The following KIAA1549L variants were observed in gnomAD, a reference collection of about 807,000 sequenced individuals.
KIAA1549L encodes UPF0606 protein KIAA1549L.
KIAA1549L carries 88 observed loss-of-function variants against 160.7 expected under a neutral mutation model. The observed-to-expected ratio is 0.55, with a 90% CI of 0.46 to 0.65. The LOEUF (loss-of-function observed/expected upper bound fraction) is 0.65. Ranked by LOEUF, KIAA1549L falls within the 30% of genes least tolerant of loss-of-function variation. The pLI is 0.00. For missense variants in KIAA1549L, 2,258 were observed against 2,437.5 expected, an observed-to-expected ratio of 0.93 and a Z score of 1.55; for synonymous variants, 950 against 976.7, an observed-to-expected ratio of 0.97 and a Z score of 0.51.
At chr11:33,516,518 G>A (rs1853346764) in intron 1 of KIAA1549L, among the ~76,000 whole-genome samples, 1 of 152,164 alleles carries the variant, frequency 6.6e-6, no homozygotes, top group African/African-American at 2.4e-5. Flanking sequence ...AATTACCACA[G>A]CTATATCTGA....
At chr11:33,526,009 C>T (rs1863287108) in intron 1 of KIAA1549L, among the ~76,000 whole-genome samples, 1 of 152,050 alleles carries the variant, frequency 6.6e-6, no homozygotes, top group South Asian at 2.1e-4. Context: ...TTCAGACCCG[C>T]CTACCCCAGC....
At chr11:33,486,921 A>T (rs753865771) in intron 1 of KIAA1549L, among the ~76,000 whole-genome samples, 1 of 152,198 alleles carries the variant, frequency 6.6e-6, no homozygotes, top group Non-Finnish European at 1.5e-5. Flanking sequence ...TCATTTATGG[A>T]AACCACTACA....
chr11:33,476,256 A>G (rs935015727), intron 1 of KIAA1549L, among the ~76,000 whole-genome samples: 3 of 152,192 alleles, frequency 2.0e-5, no homozygotes, highest in Admixed American at 6.5e-5. Context: ...TGATTAGGGA[A>G]TAAGACATCG....
chr11:33,589,519 C>T (rs1472737308), intron 11 of KIAA1549L, among the ~76,000 whole-genome samples: 2 of 152,148 alleles, frequency 1.3e-5, no homozygotes, highest in Non-Finnish European at 2.9e-5. Context: ...ACCCAAATGT[C>T]CAACAATGAT....
chr11:33,387,471 A>G (rs1012341558), intron 1 of KIAA1549L, among the ~76,000 whole-genome samples: 3 of 151,860 alleles, frequency 2.0e-5, no homozygotes, highest in African/African-American at 7.3e-5. Context: ...GCACCTGGCT[A>G]ATTTTTGTAT....
At chr11:33,592,323 A>G (rs796100863) in intron 12 of KIAA1549L, among the ~76,000 whole-genome samples, 6 of 152,316 alleles carry the variant, frequency 3.9e-5, no homozygotes, top group African/African-American at 1.4e-4. Flanking sequence ...ATATGTTAGA[A>G]GGATACTTTG....
At chr11:33,456,696 G>A (rs1193620759) in intron 1 of KIAA1549L, among the ~76,000 whole-genome samples, 1 of 152,218 alleles carries the variant, frequency 6.6e-6, no homozygotes, top group Non-Finnish European at 1.5e-5. Context: ...ACAGGCGTGA[G>A]CCATTGTGCC....
chr11:33,404,333 CG>C (rs1246740707), intron 1 of KIAA1549L, among the ~76,000 whole-genome samples: 2 of 151,356 alleles, frequency 1.3e-5, no homozygotes, highest in Non-Finnish European at 2.9e-5. Context: ...GAGACCAGCC[CG>C]GGCAACATGG....
intron 1 of KIAA1549L, among the ~76,000 whole-genome samples, chr11:33,466,268 T>C (rs557708363): frequency 2.0e-5 from 3 of 151,600 alleles, no homozygotes; most frequent in South Asian, 4.2e-4. Context: ...CTTAAACGAG[T>C]TTACAAGATA....
chr11:33,600,476 C>A (rs900722487), intron 13 of KIAA1549L, among the ~76,000 whole-genome samples: 2 of 152,164 alleles, frequency 1.3e-5, no homozygotes, highest in Admixed American at 6.5e-5. Context: ...TAACTAAATA[C>A]TGTGACGGCC....
At chr11:33,646,153 C>G (rs1364691117) in intron 17 of KIAA1549L, 117 bp downstream of exon 17, 1 of 764,142 alleles carries the variant, frequency 1.3e-6, no homozygotes, top group East Asian at 2.7e-5. Context: ...TGGAGATGAA[C>G]TATGCCAGGC....
chr11:33,658,764 T>C lies in KIAA1549L; in HGVS notation c.5873T>C (p.Ile1958Thr), dbSNP rs370666416. The C allele has an allele frequency of 1.9e-6, 3 of 1,573,004 alleles. No individual in the cohort carries two copies. The highest frequency in any genetic ancestry group is 1.7e-4 in the Middle Eastern group (1 of 5,946). Residue 1958 changes from isoleucine (I) to threonine (T), a missense_variant, in exon 19 of 21, where the codon ATC becomes ACC. Physicochemically the swap from Ile to Thr is moderately conservative, Grantham distance 89. This residue lies in a region of KIAA1549L where 1,359 missense variants were observed against 1,546.6 expected (regional missense o/e 0.88). Transcript: ENST00000658780. ...VASLRRSTSD[I>T]GSKTRMAEST... ...GCCCCATCTAGATCCACCTCAGACA[T>C]CGGCAGCAAGACCAGAATGGCCGAG...
chr11:33,441,840 G>C (rs1284396962), intron 1 of KIAA1549L, among the ~76,000 whole-genome samples: 3 of 152,250 alleles, frequency 2.0e-5, no homozygotes, highest in African/African-American at 7.2e-5. Flanking sequence ...AGATGAGTAG[G>C]TTGCGAAAAT....
At chr11:33,574,083 A>G (rs1398980248) in intron 9 of KIAA1549L, among the ~76,000 whole-genome samples, 1 of 152,150 alleles carries the variant, frequency 6.6e-6, no homozygotes, top group Non-Finnish European at 1.5e-5. Context: ...ATGGAAGCAA[A>G]TACTCTATAA....
At chr11:33,408,396 A>G (rs1205936191) in intron 1 of KIAA1549L, among the ~76,000 whole-genome samples, 2 of 151,654 alleles carry the variant, frequency 1.3e-5, no homozygotes, top group African/African-American at 2.4e-5. Context: ...AATTGGATTC[A>G]GTGATATCTA....
chr11:33,642,681 A>T (rs1279215798), intron 16 of KIAA1549L, among the ~76,000 whole-genome samples: 5 of 142,576 alleles, frequency 3.5e-5, no homozygotes, highest in African/African-American at 1.4e-4. Context: ...AGGGTGGAGC[A>T]GGTAATCGGA....
intron 1 of KIAA1549L, among the ~76,000 whole-genome samples, chr11:33,525,205 G>C (rs1853584991): frequency 6.6e-6 from 1 of 152,178 alleles, no homozygotes; most frequent in Non-Finnish European, 1.5e-5. Flanking sequence ...GAAGTGGCTT[G>C]CCACTGCAGA....
chr11:33,567,899 G>A (rs965986592), intron 8 of KIAA1549L, among the ~76,000 whole-genome samples, 177 bp from the exon 9 acceptor site: 8 of 152,234 alleles, frequency 5.3e-5, no homozygotes, highest in African/African-American at 1.9e-4. Flanking sequence ...ATAACATGTG[G>A]ATAATGATTG....
intron 1 of KIAA1549L, among the ~76,000 whole-genome samples, chr11:33,494,277 G>T (rs1852763409): frequency 6.6e-6 from 1 of 152,134 alleles, no homozygotes; most frequent in African/African-American, 2.4e-5. Context: ...AAACTTAATG[G>T]ATTTGACAGC....
Sources: allele counts gnomAD v4.1 joint callset (sites outside exome capture counted in the v4.1 genomes callset), GRCh38; gene constraint gnomAD v4.1.1; regional missense constraint gnomAD v4.1.1; transcripts MANE v1.5; gene names NCBI Gene and HGNC (gene_info 2026-07-23, HGNC 2026-07-21).